The following SCFD2 variants were observed in gnomAD, a reference collection of about 807,000 sequenced individuals.
SCFD2 encodes sec1 family domain-containing protein 2.
In SCFD2, 54 loss-of-function variants were observed where a neutral mutation model predicts 58.9. The observed-to-expected ratio is 0.92, with a 90% CI of 0.74 to 1.15. SCFD2 has a LOEUF of 1.15. SCFD2 is among the 50% of genes most tolerant of loss of function. The pLI is 0.00. For missense variants in SCFD2, 805 were observed against 836.6 expected (o/e 0.96, Z 0.47); for synonymous variants, 321 against 335.9 (o/e 0.96, Z 0.49).
intron 2 of SCFD2, among the ~76,000 whole-genome samples, chr4:53,348,904 A>G (rs1305197338): frequency 1.3e-5 from 2 of 151,882 alleles, no homozygotes; most frequent in East Asian, 1.9e-4. Context: ...TTTTTTAAGT[A>G]AAGATGGGGT....
intron 5 of SCFD2, among the ~76,000 whole-genome samples, chr4:53,053,856 T>G (rs1458143555): frequency 6.6e-6 from 1 of 152,178 alleles, no homozygotes; most frequent in Non-Finnish European, 1.5e-5. Context: ...ATGTGATAAT[T>G]TAATGCATTC....
At chr4:53,055,725 CACAACAA>C (rs1723318543) in intron 5 of SCFD2, among the ~76,000 whole-genome samples, 3 of 152,112 alleles carry the variant, frequency 2.0e-5, no homozygotes, top group Admixed American at 2.0e-4. Flanking sequence ...CTCTGCAACC[CACAACAA>C]ACATTAGAGT....
intron 4 of SCFD2, among the ~76,000 whole-genome samples, chr4:53,164,515 A>T (rs1034659094): frequency 7.2e-5 from 11 of 152,152 alleles, no homozygotes; most frequent in African/African-American, 2.7e-4. Context: ...CAGTATTGGC[A>T]GAATGTGGTG....
chr4:52,919,383 G>T (rs1460083053), intron 6 of SCFD2, among the ~76,000 whole-genome samples: 1 of 152,154 alleles, frequency 6.6e-6, no homozygotes, highest in Non-Finnish European at 1.5e-5. Flanking sequence ...TTTTTAAAAT[G>T]ACAAAACTAC....
At chr4:53,075,045 T>C (rs1031304450) in intron 5 of SCFD2, among the ~76,000 whole-genome samples, 51 of 152,350 alleles carry the variant, frequency 3.3e-4, no homozygotes, top group African/African-American at 1.2e-3. Context: ...TCATCTACAC[T>C]GAACATCTGT....
intron 2 of SCFD2, among the ~76,000 whole-genome samples, chr4:53,330,858 G>A (rs540063633): frequency 1.7e-4 from 26 of 151,934 alleles, no homozygotes; most frequent in African/African-American, 4.3e-4. Context: ...CCCATCTCAC[G>A]TGCAGAGACA....
intron 5 of SCFD2, among the ~76,000 whole-genome samples, chr4:53,085,449 T>A (rs1337935010): frequency 2.0e-5 from 3 of 152,128 alleles, no homozygotes; most frequent in African/African-American, 7.2e-5. Context: ...TGTTAGTATG[T>A]CCATACTACC....
chr4:53,048,742 C>A (rs940140051), intron 5 of SCFD2, among the ~76,000 whole-genome samples: 7 of 152,108 alleles, frequency 4.6e-5, no homozygotes, highest in African/African-American at 1.7e-4. Flanking sequence ...GGTCATCTGG[C>A]TCCTGCCTCT....
chr4:53,013,062 A>C (rs1246930966), intron 5 of SCFD2, among the ~76,000 whole-genome samples: 1 of 152,198 alleles, frequency 6.6e-6, no homozygotes, highest in African/African-American at 2.4e-5. Flanking sequence ...GGCCTCACTG[A>C]CAACAAACAC....
At chr4:53,317,179 A>G (rs1732892239) in intron 2 of SCFD2, among the ~76,000 whole-genome samples, 1 of 152,154 alleles carries the variant, frequency 6.6e-6, no homozygotes, top group African/African-American at 2.4e-5. Flanking sequence ...TGTCCTAAAC[A>G]GTTTTCTAAA....
chr4:53,140,265 G>A (rs1726089295), intron 5 of SCFD2, among the ~76,000 whole-genome samples: 1 of 150,864 alleles, frequency 6.6e-6, no homozygotes, highest in Non-Finnish European at 1.5e-5. Context: ...AACACAGTAT[G>A]TAGAAAAGAA....
At chr4:52,967,911 A>G (rs772501122) in intron 5 of SCFD2, among the ~76,000 whole-genome samples, 4 of 152,142 alleles carry the variant, frequency 2.6e-5, no homozygotes, top group African/African-American at 7.2e-5. Flanking sequence ...CCCAGTTCCA[A>G]TATAACTTCA....
intron 4 of SCFD2, among the ~76,000 whole-genome samples, chr4:53,203,996 G>C (rs890529440): frequency 1.3e-5 from 2 of 152,114 alleles, no homozygotes; most frequent in Non-Finnish European, 2.9e-5. Flanking sequence ...TTTCTTCTAT[G>C]TGTCTCCCAG....
intron 2 of SCFD2, among the ~76,000 whole-genome samples, chr4:53,332,160 T>C (rs1198893145): frequency 7.3e-5 from 11 of 150,484 alleles, no homozygotes; most frequent in African/African-American, 1.5e-4. Context: ...CCGAATTCTA[T>C]CAGAGGTACA....
intron 5 of SCFD2, among the ~76,000 whole-genome samples, chr4:53,055,132 C>T (rs1308967691): frequency 6.6e-6 from 1 of 152,190 alleles, no homozygotes; most frequent in Non-Finnish European, 1.5e-5. Flanking sequence ...ATCTACTAGG[C>T]AATTTGCATT....
chr4:53,341,403 G>C (rs1333128046), intron 2 of SCFD2, among the ~76,000 whole-genome samples: 1 of 152,112 alleles, frequency 6.6e-6, no homozygotes, highest in Non-Finnish European at 1.5e-5. Context: ...GAGAAGTTTA[G>C]AGAAAAAAGA....
intron 5 of SCFD2, among the ~76,000 whole-genome samples, chr4:53,021,328 AT>A (rs1481666037): frequency 1.3e-5 from 2 of 152,212 alleles, no homozygotes; most frequent in African/African-American, 4.8e-5. Context: ...TAAACTTCCT[AT>A]TTCTAACATT....
chr4:52,957,767 T>A (rs892690778), intron 5 of SCFD2: 2 of 152,266 alleles, frequency 1.3e-5, no homozygotes, highest in Non-Finnish European at 2.9e-5. Flanking sequence ...GACTTCAACA[T>A]GTAGCTCTAA....
chr4:53,123,709 C>T (rs772374188), intron 5 of SCFD2, among the ~76,000 whole-genome samples: 1 of 152,202 alleles, frequency 6.6e-6, no homozygotes. Flanking sequence ...GAAGAAAGGG[C>T]AAGGCCCTGG....
Sources: allele counts gnomAD v4.1 joint callset (sites outside exome capture counted in the v4.1 genomes callset), GRCh38; gene constraint gnomAD v4.1.1; transcripts MANE v1.5; gene names NCBI Gene and HGNC (gene_info 2026-07-23, HGNC 2026-07-21).